The following PLPPR1 variants were observed in gnomAD, a reference collection of about 807,000 sequenced individuals.
The protein encoded by PLPPR1 is phospholipid phosphatase related 1.
PLPPR1 carries 10 observed loss-of-function variants against 33.1 expected under a neutral mutation model. The observed-to-expected ratio is 0.30, with a 90% confidence interval of 0.19 to 0.51. The LOEUF (loss-of-function observed/expected upper bound fraction) is 0.51, where lower values mean the gene tolerates loss of function less well. Ranked by LOEUF, PLPPR1 falls within the 20% of genes least tolerant of loss-of-function variation. The probability of loss-of-function intolerance (pLI) is 0.97; values close to 1 mark genes in which losing one functional copy is unlikely to be tolerated. For synonymous variants in PLPPR1, 151 were observed against 151.0 expected (o/e 1.00, Z 0.00); for missense variants, 304 against 408.1 (o/e 0.74, Z 2.20).
chr9:101,248,305 C>A (rs1827650990), intron 2 of PLPPR1, among the ~76,000 whole-genome samples: 1 of 152,032 alleles, frequency 6.6e-6, no homozygotes. Flanking sequence ...CTTCCTGAAC[C>A]TTTTTAGCTC....
At chr9:101,095,673 G>A (rs1232130673) in intron 1 of PLPPR1, among the ~76,000 whole-genome samples, 3 of 152,038 alleles carry the variant, frequency 2.0e-5, no homozygotes, top group Non-Finnish European at 4.4e-5. Context: ...ATATTAAATG[G>A]TTTTCTCAAG....
chr9:101,302,867 A>G (rs1828778545), intron 4 of PLPPR1, among the ~76,000 whole-genome samples: 2 of 152,236 alleles, frequency 1.3e-5, no homozygotes, highest in East Asian at 3.8e-4. Flanking sequence ...AAAACGAGAA[A>G]ATGTTCAAGT....
rs757098094 is a variant in PLPPR1, at chr9:101,317,392, G to A, written c.841G>A (p.Gly281Arg). 1.9e-6 allele frequency: 3 copies of A among 1,614,034 alleles called. No homozygotes were observed. The South Asian group carries it at 3.3e-5, about 18-fold the overall frequency. The change falls in exon 7 of 8, where the codon GGA (glycine) becomes AGA (arginine). Residue 281 changes from glycine to arginine, a missense_variant. By Grantham distance (125) the Gly-to-Arg change is moderately radical. Transcript: ENST00000374874. The part of the protein sequence containing the change: ...LGMCVVHNFK[G>R]TQGSPSKPKP... ...AATGTGTGTGGTTCATAACTTTAAA[G>A]GAACGCAAGGATCTCCTTCCAAACC... is the stretch of plus-strand genomic sequence containing the variant.
At chr9:101,193,336 C>G (rs1376535163) in intron 2 of PLPPR1, among the ~76,000 whole-genome samples, 5 of 152,240 alleles carry the variant, frequency 3.3e-5, no homozygotes, top group Admixed American at 6.5e-5. Flanking sequence ...TCATCCTTCT[C>G]TCCCCATCCT....
At chr9:101,311,671 T>C (rs915834749) in intron 5 of PLPPR1, among the ~76,000 whole-genome samples, 1 of 152,222 alleles carries the variant, frequency 6.6e-6, no homozygotes, top group African/African-American at 2.4e-5. Flanking sequence ...AAGAGATTCC[T>C]ATCTTCTGGT....
intron 4 of PLPPR1, among the ~76,000 whole-genome samples, chr9:101,293,147 G>A (rs907897049): frequency 6.6e-6 from 1 of 151,856 alleles, no homozygotes; most frequent in Non-Finnish European, 1.5e-5. Context: ...GGCAGGGGTT[G>A]CAATCCTAGT....
intron 2 of PLPPR1, among the ~76,000 whole-genome samples, chr9:101,212,485 A>T (rs1826709263): frequency 6.6e-6 from 1 of 152,222 alleles, no homozygotes; most frequent in Admixed American, 6.5e-5. Context: ...ACAGAGTAAC[A>T]TACATGATTC....
chr9:101,298,667 G>C (rs7044194), intron 4 of PLPPR1, among the ~76,000 whole-genome samples: 7,402 of 152,082 alleles, frequency 0.049, 550 homozygotes, highest in African/African-American at 0.16. Context: ...CAATGAAATA[G>C]TCATTGAGCA....
chr9:101,285,537 T>C (rs1828379051), intron 3 of PLPPR1, among the ~76,000 whole-genome samples: 1 of 152,222 alleles, frequency 6.6e-6, no homozygotes, highest in Non-Finnish European at 1.5e-5. Context: ...TTGTGGTGGA[T>C]AGGTTCTTGG....
intron 2 of PLPPR1, among the ~76,000 whole-genome samples, chr9:101,218,242 T>C (rs1030699364): frequency 2.6e-5 from 4 of 152,212 alleles, no homozygotes; most frequent in Admixed American, 2.6e-4. Flanking sequence ...TCTTGGAAAG[T>C]GTTTTCAGTA....
intron 1 of PLPPR1, among the ~76,000 whole-genome samples, chr9:101,052,159 A>G (rs1316645404): frequency 1.3e-5 from 2 of 152,252 alleles, no homozygotes; most frequent in African/African-American, 4.8e-5. Flanking sequence ...CATAATCCAC[A>G]TAAAATATGC....
At chr9:101,120,357 GGAT>G (rs1033182400) in intron 1 of PLPPR1, among the ~76,000 whole-genome samples, 3 of 152,128 alleles carry the variant, frequency 2.0e-5, no homozygotes, top group Non-Finnish European at 2.9e-5. Flanking sequence ...GATAACATTT[GGAT>G]GTCCACATTT....
chr9:101,061,652 A>G (rs931653637), intron 1 of PLPPR1, among the ~76,000 whole-genome samples: 8 of 151,856 alleles, frequency 5.3e-5, no homozygotes, highest in Non-Finnish European at 4.4e-5. Context: ...TTTAGAGTTA[A>G]TTGTCCCTAG....
At chr9:101,051,365 C>G (rs1390709081) in intron 1 of PLPPR1, among the ~76,000 whole-genome samples, 1 of 152,116 alleles carries the variant, frequency 6.6e-6, no homozygotes, top group Admixed American at 6.6e-5. Context: ...TCAACATGAG[C>G]AGCAGCTCAT....
At chr9:101,138,853 C>T (rs564525487) in intron 1 of PLPPR1, among the ~76,000 whole-genome samples, 42 of 152,238 alleles carry the variant, frequency 2.8e-4, no homozygotes, top group African/African-American at 1.0e-3. Flanking sequence ...TGTGTATTTC[C>T]ATTTCAAATT....
intron 2 of PLPPR1, among the ~76,000 whole-genome samples, chr9:101,249,047 C>T (rs1564016092): frequency 6.6e-6 from 1 of 152,078 alleles, no homozygotes; most frequent in Non-Finnish European, 1.5e-5. Flanking sequence ...GGTAGAACCA[C>T]CATGATTATA....
At chr9:101,294,706 T>G (rs901966687) in intron 4 of PLPPR1, among the ~76,000 whole-genome samples, 14 of 152,078 alleles carry the variant, frequency 9.2e-5, no homozygotes, top group African/African-American at 2.7e-4. Context: ...AAAAACCACA[T>G]GATTATCTCA....
intron 1 of PLPPR1, among the ~76,000 whole-genome samples, chr9:101,128,417 A>T (rs547834091): frequency 6.6e-6 from 1 of 152,342 alleles, no homozygotes; most frequent in South Asian, 2.1e-4. Context: ...TAATAATCTT[A>T]CCTACTCTTG....
intron 1 of PLPPR1, among the ~76,000 whole-genome samples, chr9:101,142,916 T>C (rs957601398): frequency 8.5e-5 from 13 of 152,208 alleles, no homozygotes; most frequent in South Asian, 2.1e-4. Context: ...GAGTGGGGTA[T>C]AGTGGGTTGG....
Sources: allele counts gnomAD v4.1 joint callset (sites outside exome capture counted in the v4.1 genomes callset), GRCh38; gene constraint gnomAD v4.1.1; transcripts MANE v1.5; gene names NCBI Gene and HGNC (gene_info 2026-07-23, HGNC 2026-07-21).